The following UBE3C variants were observed in gnomAD, a reference collection of about 807,000 sequenced individuals.
UBE3C encodes the protein ubiquitin-protein ligase E3C.
UBE3C carries 42 observed loss-of-function variants against 129.4 expected under a neutral mutation model. That is an observed-to-expected ratio of 0.32 (90% confidence interval 0.25 to 0.42). UBE3C has a LOEUF of 0.42. Among genes scored for constraint, UBE3C ranks in the 10% least tolerant of loss-of-function variants. The pLI is 1.00. For missense variants in UBE3C, 1,049 were observed against 1,319.1 expected (o/e 0.80, Z 3.17); for synonymous variants, 510 against 492.4 (o/e 1.04, Z -0.47).
rs759577255 is a variant in UBE3C, at chr7:157,254,271, A to G, written c.2911A>G (p.Ile971Val). Reference sequence around the variant, plus strand: ...ATTAATTTCTGGTGCACAAGTTCCCATAAGCCTAGAGGACCTAAAATCCTT... The same window carrying G: ...ATTAATTTCTGGTGCACAAGTTCCCGTAAGCCTAGAGGACCTAAAATCCTT... ...QVLISGAQVP[I>V]SLEDLKSFTN... The change falls in exon 21 of 23, where the codon ATA (isoleucine) becomes GTA (valine). Residue 971 changes from isoleucine (I) to valine (V), a missense_variant. Ile to Val is a conservative substitution (Grantham distance 29). Coordinates refer to ENST00000348165, the MANE Select transcript of UBE3C (RefSeq NM_014671.3). The G allele has an allele frequency of 8.1e-6, 13 of 1,613,596 alleles. No individual in the cohort carries two copies. In the East Asian group the frequency reaches 1.3e-4, roughly 17 times the overall value.
At chr7:157,186,102 T>C (rs1808797572) in intron 9 of UBE3C, among the ~76,000 whole-genome samples, 1 of 152,144 alleles carries the variant, frequency 6.6e-6, no homozygotes, top group African/African-American at 2.4e-5. Context: ...AGGTATAAAA[T>C]AGATTTGTGT....
At chr7:157,145,347 A>C (rs28837421) in intron 1 of UBE3C, among the ~76,000 whole-genome samples, 2 of 152,020 alleles carry the variant, frequency 1.3e-5, no homozygotes, top group South Asian at 2.1e-4. Context: ...GTGATACTCT[A>C]TCTCTACTAA....
chr7:157,227,589 A>G (rs1795914832), intron 17 of UBE3C, among the ~76,000 whole-genome samples: 1 of 151,870 alleles, frequency 6.6e-6, no homozygotes, highest in African/African-American at 2.4e-5. Context: ...AGTCCCACCT[A>G]CTCAGGAGGC....
chr7:157,177,972 A>C (rs1439499397), intron 5 of UBE3C, among the ~76,000 whole-genome samples: 1 of 151,118 alleles, frequency 6.6e-6, no homozygotes, highest in East Asian at 1.9e-4. Flanking sequence ...GCTGTAAAAT[A>C]CCTTGTGAAA....
intron 18 of UBE3C, among the ~76,000 whole-genome samples, chr7:157,240,659 C>G (rs1354054675): frequency 6.6e-6 from 1 of 152,122 alleles, no homozygotes; most frequent in Non-Finnish European, 1.5e-5. Context: ...GCCTTTGAAT[C>G]TAGGCTGTTT....
In UBE3C at chr7:157,139,145, C is replaced by T. The variant is rs1807348487; in HGVS notation, c.-128C>T. ...CCCGGGGGCGGGCTCGGGTCGCCTC[C>T]CGGCCGCCGCGTCCTCGCTGCCCCG... On this transcript the variant is annotated 5_prime_UTR_variant, in exon 1 of 23. Transcript: ENST00000348165. The T allele has an allele frequency of 5.6e-6, 3 of 534,498 alleles. No homozygotes were observed. Among genetic ancestry groups the T allele is most frequent in the Non-Finnish European group, 4.8e-6 (2 of 414,558 alleles). The allele number at this position is 534,498 out of a possible 1,614,324, so 33.1% of individuals were successfully genotyped here.
At chr7:157,250,737 G>A (rs949094951) in intron 19 of UBE3C, among the ~76,000 whole-genome samples, 2 of 152,148 alleles carry the variant, frequency 1.3e-5, no homozygotes, top group Non-Finnish European at 2.9e-5. Context: ...TGGCGGGGGG[G>A]CTGTTACTGT....
At chr7:157,171,506 G>A (rs1337383023) in intron 4 of UBE3C, among the ~76,000 whole-genome samples, 1 of 151,634 alleles carries the variant, frequency 6.6e-6, no homozygotes, top group Non-Finnish European at 1.5e-5. Flanking sequence ...GATCTTATCA[G>A]TGCTGAGGAA....
chr7:157,236,892 C>T (rs190874963), intron 18 of UBE3C, among the ~76,000 whole-genome samples: 2,235 of 151,876 alleles, frequency 0.015, 55 homozygotes, highest in African/African-American at 0.051. Context: ...CCACCATGCC[C>T]GGCTAATTTT....
At chr7:157,189,004 C>G (rs1268011149) in intron 10 of UBE3C, 1 of 577,114 alleles carries the variant, frequency 1.7e-6, no homozygotes, top group Non-Finnish European at 3.2e-6. Context: ...ATTTCCGAGA[C>G]AGATGCGTAC....
chr7:157,198,383 C>T (rs1809182625), intron 10 of UBE3C: 2 of 721,546 alleles, frequency 2.8e-6, no homozygotes, highest in Admixed American at 3.9e-5. Flanking sequence ...TATGTCATCC[C>T]TTTGGCTGTT....
intron 2 of UBE3C, among the ~76,000 whole-genome samples, chr7:157,165,696 C>T (rs777210872): frequency 9.9e-5 from 15 of 152,048 alleles, no homozygotes; most frequent in Non-Finnish European, 1.5e-4. Context: ...ACCCTGCTGC[C>T]TAATTGTTAA....
At chr7:157,141,494 G>A (rs73743205) in intron 1 of UBE3C, among the ~76,000 whole-genome samples, 2,057 of 152,270 alleles carry the variant, frequency 0.014, 38 homozygotes, top group African/African-American at 0.047. Flanking sequence ...GGTACAGCCC[G>A]TTGCCCCTAT....
At chr7:157,158,901 C>G (rs1807991161) in intron 1 of UBE3C, among the ~76,000 whole-genome samples, 1 of 152,166 alleles carries the variant, frequency 6.6e-6, no homozygotes, top group Admixed American at 6.5e-5. Context: ...AGAATTTGGT[C>G]CATTGTGCTC....
chr7:157,201,393 G>C lies in UBE3C; in HGVS notation c.1332-328G>C, dbSNP rs138923636. On this transcript the variant is annotated intron_variant, in intron 10 of 22. Transcript: ENST00000348165. ...TTATAATATTGTGATATATTAATAC[G>C]ATATGTAGCAGAGGGGGAGCAGGTT... Among the ~76,000 whole-genome samples the C allele has an allele frequency of 7.5e-3, 1,102 of 147,712 alleles. 17 individuals carry two copies. Among genetic ancestry groups the C allele is most frequent in the Admixed American group, 0.028 (413 of 14,756 alleles).
In UBE3C at chr7:157,267,687, G is replaced by A. The variant is rs768452862; in HGVS notation, c.3184G>A (p.Asp1062Asn). ...CCTGCTGAAGCTCCCCGAGTTCTAT[G>A]ACGAGACACTTTTGCGAAGTAAACT... is the stretch of plus-strand genomic sequence containing the variant. The part of the protein sequence containing the change: ...MNLLKLPEFY[D>N]ETLLRSKLLY... The change falls in exon 23 of 23, where the codon GAC (aspartate) becomes AAC (asparagine). Residue 1062 changes from aspartate (D) to asparagine (N), a missense_variant. Physicochemically the swap from Asp to Asn is conservative, Grantham distance 23 (BLOSUM62 1). This residue lies in a region of UBE3C where 243 missense variants were observed against 368.7 expected (regional missense o/e 0.66). Transcript: ENST00000348165. 6.2e-7 allele frequency: 1 copy of A among 1,613,652 alleles called. No individual in the cohort carries two copies. The highest frequency in any genetic ancestry group is 1.7e-5 in the Admixed American group (1 of 59,864).
intron 1 of UBE3C, among the ~76,000 whole-genome samples, chr7:157,155,159 A>G (rs934334507): frequency 6.6e-6 from 1 of 152,150 alleles, no homozygotes; most frequent in African/African-American, 2.4e-5. Flanking sequence ...TATTTCATGT[A>G]GGTCTGCAAA....
chr7:157,224,010 G>A (rs1795806698), intron 16 of UBE3C, among the ~76,000 whole-genome samples: 1 of 151,936 alleles, frequency 6.6e-6, no homozygotes, highest in Non-Finnish European at 1.5e-5. Flanking sequence ...TATCAGAAAC[G>A]ATGTTTTTTT....
intron 14 of UBE3C, among the ~76,000 whole-genome samples, chr7:157,218,557 GT>G (rs1563060898): frequency 6.6e-6 from 1 of 152,220 alleles, no homozygotes; most frequent in African/African-American, 2.4e-5. Context: ...ATATTTGTGA[GT>G]TAAGCCTGTT....
Sources: allele counts gnomAD v4.1 joint callset (sites outside exome capture counted in the v4.1 genomes callset), GRCh38; gene constraint gnomAD v4.1.1; regional missense constraint gnomAD v4.1.1; transcripts MANE v1.5; gene names NCBI Gene and HGNC (gene_info 2026-07-23, HGNC 2026-07-21).